The following TRIM44 variants were observed in gnomAD, a reference collection of about 807,000 sequenced individuals.
The protein encoded by TRIM44 is tripartite motif-containing protein 44.
Under a neutral mutation model 37.4 loss-of-function variants are expected in TRIM44, and 13 were observed. That is an observed-to-expected ratio of 0.35 (90% confidence interval 0.23 to 0.55). The LOEUF (loss-of-function observed/expected upper bound fraction) is 0.55. Among genes scored for constraint, TRIM44 ranks in the 20% least tolerant of loss-of-function variants. TRIM44 has a pLI of 0.89. For synonymous variants in TRIM44, 175 were observed against 157.2 expected (o/e 1.11, Z -0.85); for missense variants, 426 against 437.2 (o/e 0.97, Z 0.23).
At chr11:35,770,286 T>C (rs902111465) in intron 4 of TRIM44, among the ~76,000 whole-genome samples, 1 of 152,262 alleles carries the variant, frequency 6.6e-6, no homozygotes, top group Non-Finnish European at 1.5e-5. Flanking sequence ...GTATCATATT[T>C]GCTTTATCCA....
intron 4 of TRIM44, among the ~76,000 whole-genome samples, chr11:35,797,628 G>A (rs1853310626): frequency 6.6e-6 from 1 of 152,120 alleles, no homozygotes; most frequent in Non-Finnish European, 1.5e-5. Context: ...CCTTCCAAAA[G>A]CCCATAACCA....
intron 2 of TRIM44, among the ~76,000 whole-genome samples, chr11:35,709,155 T>G (rs925913485): frequency 6.6e-5 from 10 of 152,152 alleles, no homozygotes; most frequent in African/African-American, 2.4e-4. Flanking sequence ...AGATTTAATT[T>G]TTGGAGGCTC....
At position 35,806,398 on chromosome 11, in the gene TRIM44, C is replaced by G. The variant is rs1379506807; in HGVS notation, c.*13C>G. On this transcript the variant is annotated 3_prime_UTR_variant, in exon 5 of 5. Transcript: ENST00000299413. The stretch of plus-strand genomic sequence containing the variant: ...AGAGGACACATGAAGGCTTGCTACC[C>G]CCAGTGGAAAATCATCCCCTCCCCT... The G allele has an allele frequency of 1.2e-6, 2 of 1,613,556 alleles. No homozygotes were observed. The highest frequency in any genetic ancestry group is 1.7e-6 in the Non-Finnish European group (2 of 1,179,640).
chr11:35,691,211 G>A (rs1460239568), intron 2 of TRIM44, among the ~76,000 whole-genome samples: 1 of 152,180 alleles, frequency 6.6e-6, no homozygotes, highest in Non-Finnish European at 1.5e-5. Flanking sequence ...ATTAGTGAAG[G>A]ACACTAAATG....
At chr11:35,667,644 A>T (rs371618552) in intron 1 of TRIM44, among the ~76,000 whole-genome samples, 2 of 152,318 alleles carry the variant, frequency 1.3e-5, no homozygotes, top group Admixed American at 1.3e-4. Flanking sequence ...CAGCTGTGGG[A>T]TTACAGGCTG....
At position 35,817,394 on chromosome 11, in the gene TRIM44, G is replaced by A. The variant is rs1416327817; in HGVS notation, c.*11009G>A. ...TCTCTACATGCGCCTAAAATGACGG[G>A]TAGGGTCAGAGACATTGGAGGATCT... On this transcript the variant is annotated 3_prime_UTR_variant, in exon 5 of 5. Coordinates refer to ENST00000299413, the MANE Select transcript of TRIM44 (RefSeq NM_017583.6). 1 of 152,194 alleles carries A rather than the reference G, an allele frequency of 6.6e-6. No homozygotes were observed. The highest frequency in any genetic ancestry group is 1.5e-5 in the Non-Finnish European group (1 of 68,024). 9.4% of individuals were successfully genotyped at this position (152,194 alleles called of 1,614,324 possible).
At chr11:35,701,772 C>T (rs1241703249) in intron 2 of TRIM44, among the ~76,000 whole-genome samples, 1 of 152,136 alleles carries the variant, frequency 6.6e-6, no homozygotes, top group East Asian at 1.9e-4. Context: ...AGACCAGCCT[C>T]AGAATTCTTT....
rs918719040 is a variant in TRIM44, at chr11:35,810,704, T to A, written c.*4319T>A. The A allele has an allele frequency of 6.6e-6, 1 of 152,168 alleles. No homozygotes were observed. Among genetic ancestry groups the A allele is most frequent in the African/African-American group, 2.4e-5 (1 of 41,460 alleles). 9.4% of individuals were successfully genotyped at this position (152,168 alleles called of 1,614,324 possible). ...CACGGAGCCCATACTGGGCTTGATA[T>A]GACTTTGAGGGGACAGCAGATTAAT... is the stretch of plus-strand genomic sequence containing the variant. On this transcript the variant is annotated 3_prime_UTR_variant, in exon 5 of 5. Transcript: ENST00000299413.
At chr11:35,788,306 G>T (rs1452648728) in intron 4 of TRIM44, among the ~76,000 whole-genome samples, 1 of 152,204 alleles carries the variant, frequency 6.6e-6, no homozygotes, top group Non-Finnish European at 1.5e-5. Context: ...CTTGTTAACA[G>T]CCATTTAAAC....
chr11:35,744,583 CA>C (rs1401663163), intron 4 of TRIM44, among the ~76,000 whole-genome samples: 1 of 151,506 alleles, frequency 6.6e-6, no homozygotes, highest in Non-Finnish European at 1.5e-5. Flanking sequence ...TGTTTAAGTT[CA>C]GGGGTACATG....
intron 4 of TRIM44, among the ~76,000 whole-genome samples, chr11:35,788,639 G>A (rs558515628): frequency 2.0e-4 from 31 of 152,272 alleles, no homozygotes; most frequent in African/African-American, 6.0e-4. Flanking sequence ...CTAAGTGATC[G>A]TCTTGCCTTT....
At chr11:35,698,088 C>T (rs975354674) in intron 2 of TRIM44, among the ~76,000 whole-genome samples, 14 of 150,980 alleles carry the variant, frequency 9.3e-5, no homozygotes, top group African/African-American at 2.9e-4. Flanking sequence ...AAAGTGTTCC[C>T]ATTTCTCCAC....
intron 2 of TRIM44, among the ~76,000 whole-genome samples, chr11:35,697,635 G>T (rs1390217804): frequency 6.6e-6 from 1 of 151,294 alleles, no homozygotes; most frequent in Non-Finnish European, 1.5e-5. Context: ...CCCAGAGTGT[G>T]ATGTTCCCCT....
chr11:35,711,153 C>T (rs1025691476), intron 2 of TRIM44, among the ~76,000 whole-genome samples: 1 of 152,052 alleles, frequency 6.6e-6, no homozygotes, highest in Non-Finnish European at 1.5e-5. Flanking sequence ...ATACTACAAA[C>T]CACAAAATTG....
At chr11:35,803,407 G>T (rs1565040107) in intron 4 of TRIM44, among the ~76,000 whole-genome samples, 1 of 152,160 alleles carries the variant, frequency 6.6e-6, no homozygotes, top group Non-Finnish European at 1.5e-5. Context: ...TTCCCTTGCA[G>T]AAAGTGAAGA....
rs946749893 is a variant in TRIM44, at chr11:35,815,192, A to G, written c.*8807A>G. On this transcript the variant is annotated 3_prime_UTR_variant, in exon 5 of 5. Coordinates refer to ENST00000299413, the MANE Select transcript of TRIM44 (RefSeq NM_017583.6). ...CTCTTAAAAACATTTGAGTCCAAGT[A>G]TGGTTCTCTGGCTTGAGGGTGGCCA... The G allele has an allele frequency of 6.6e-6, 1 of 152,164 alleles. No individual in the cohort carries two copies. The highest frequency in any genetic ancestry group is 2.4e-5 in the African/African-American group (1 of 41,456). 9.4% of individuals were successfully genotyped at this position (152,164 alleles called of 1,614,324 possible). A position where few individuals can be genotyped will look rare whatever the true frequency, so the allele number is the denominator to read the frequency against.
intron 2 of TRIM44, among the ~76,000 whole-genome samples, chr11:35,700,821 G>C (rs868729085): frequency 6.6e-6 from 1 of 152,098 alleles, no homozygotes; most frequent in African/African-American, 2.4e-5. Flanking sequence ...ATTTTTAAAA[G>C]CAGTTTTAAT....
chr11:35,756,433 T>C (rs1448874611), intron 4 of TRIM44, among the ~76,000 whole-genome samples: 19 of 152,222 alleles, frequency 1.2e-4, no homozygotes, highest in Middle Eastern at 3.4e-3. Flanking sequence ...TCTAGATATA[T>C]AATCATGTCA....
At chr11:35,747,137 G>A (rs945442145) in intron 4 of TRIM44, among the ~76,000 whole-genome samples, 3 of 152,124 alleles carry the variant, frequency 2.0e-5, no homozygotes, top group African/African-American at 7.2e-5. Flanking sequence ...TCTCCCACCT[G>A]TACAGGTATT....
Sources: allele counts gnomAD v4.1 joint callset (sites outside exome capture counted in the v4.1 genomes callset), GRCh38; gene constraint gnomAD v4.1.1; transcripts MANE v1.5; gene names NCBI Gene and HGNC (gene_info 2026-07-23, HGNC 2026-07-21).